IL34: variants seen among roughly 807,000 people sequenced by gnomAD.
IL34 encodes interleukin-34.
In IL34, 17 loss-of-function variants were observed where a neutral mutation model predicts 25.3. The ratio of observed to expected loss-of-function variants is 0.67; its 90% CI spans 0.46 to 1.01. The LOEUF (loss-of-function observed/expected upper bound fraction) is 1.01. Ranked by LOEUF, IL34 falls within the 50% of genes least tolerant of loss-of-function variation. The probability of loss-of-function intolerance (pLI) is 0.00; values close to 1 mark genes in which losing one functional copy is unlikely to be tolerated. For synonymous variants in IL34, 174 were observed against 140.9 expected (o/e 1.23, Z -1.66); for missense variants, 368 against 312.9 (o/e 1.18, Z -1.33).
Position 70,651,384 on chromosome 16 carries a change from GTTC to G in IL34, c.29-3149_29-3147del, listed in dbSNP as rs568255060. Among the ~76,000 whole-genome samples the G allele has an allele frequency of 1.3e-4, 20 of 152,328 alleles. No individual in the cohort carries two copies. The South Asian group carries it at 3.3e-3, about 25-fold the overall frequency. On this transcript the variant is annotated intron_variant, in intron 1 of 5. Transcript: ENST00000288098. ...ACACTGGTTCAGTTCATGTTTATCT[GTTC>G]TTCTCACCCAATACTGTATCAGGCA...
At chr16:70,634,433 A>G (rs937842032) in intron 1 of IL34, among the ~76,000 whole-genome samples, 4 of 152,084 alleles carry the variant, frequency 2.6e-5, no homozygotes, top group Non-Finnish European at 5.9e-5. Context: ...TAATCCCAGC[A>G]CTTTGCGAGG....
intron 1 of IL34, among the ~76,000 whole-genome samples, chr16:70,650,510 C>T (rs1316404467): frequency 6.6e-6 from 1 of 152,144 alleles, no homozygotes; most frequent in Non-Finnish European, 1.5e-5. Flanking sequence ...CAGAGAAGGG[C>T]AGGTGCTGTA....
At chr16:70,617,463 G>C (rs1240067219) in intron 1 of IL34, among the ~76,000 whole-genome samples, 1 of 152,182 alleles carries the variant, frequency 6.6e-6, no homozygotes, top group Non-Finnish European at 1.5e-5. Flanking sequence ...TGACTAGACA[G>C]AAGATAGTAG....
intron 1 of IL34, among the ~76,000 whole-genome samples, chr16:70,633,696 A>C (rs1454650043): frequency 6.6e-6 from 1 of 152,188 alleles, no homozygotes; most frequent in Non-Finnish European, 1.5e-5. Context: ...TAGAAATCCA[A>C]GATCAAGGTG....
Position 70,654,609 on chromosome 16 carries a change from G to C in IL34, c.100G>C (p.Glu34Gln). Residue 34 changes from glutamate to glutamine, a missense_variant, in exon 2 of 6, where the codon GAG (glutamate) becomes CAG (glutamine). By Grantham distance (29) the Glu-to-Gln change is conservative. Transcript: ENST00000288098. ...LEMWPLTQNE[E>Q]CTVTGFLRDK... ...GATGTGGCCCTTGACGCAGAATGAG[G>C]AGTGCACTGTCACGGGTTTTCTGCG... The C allele has an allele frequency of 6.2e-7, 1 of 1,613,746 alleles. No homozygotes were observed. Among genetic ancestry groups the C allele is most frequent in the South Asian group, 1.1e-5 (1 of 91,020 alleles).
chr16:70,584,345 C>T (rs534240516), intron 1 of IL34, among the ~76,000 whole-genome samples: 17 of 152,314 alleles, frequency 1.1e-4, no homozygotes, highest in South Asian at 6.2e-4. Flanking sequence ...CATCCCAGCA[C>T]GCCTGGAAAA....
intron 1 of IL34, among the ~76,000 whole-genome samples, chr16:70,592,565 T>A (rs2050768553): frequency 6.6e-6 from 1 of 152,200 alleles, no homozygotes; most frequent in Non-Finnish European, 1.5e-5. Flanking sequence ...AGTTGCTGAA[T>A]AATTATTTTA....
At chr16:70,644,048 C>T (rs2051848641), upstream of IL34, among the ~76,000 whole-genome samples, 1 of 152,148 alleles carries the variant, frequency 6.6e-6, no homozygotes, top group African/African-American at 2.4e-5. Flanking sequence ...AATCTTGGCT[C>T]ACTGCAACCT....
intron 1 of IL34, among the ~76,000 whole-genome samples, chr16:70,591,440 G>A (rs1051833761): frequency 9.9e-5 from 15 of 152,062 alleles, no homozygotes; most frequent in African/African-American, 3.4e-4. Context: ...GTGGTGGCAC[G>A]TACCTGTAGT....
Position 70,660,252 on chromosome 16 carries a change from C to G in IL34, c.*65C>G. 1 of 1,427,726 alleles carries G rather than the reference C, an allele frequency of 7.0e-7. No individual in the cohort carries two copies. Among genetic ancestry groups the G allele is most frequent in the Non-Finnish European group, 9.4e-7 (1 of 1,068,826 alleles). 88.4% of individuals were successfully genotyped at this position (1,427,726 alleles called of 1,614,324 possible). On this transcript the variant is annotated 3_prime_UTR_variant, in exon 6 of 6. Transcript: ENST00000288098. ...AGCTCCCACAGGAGTTCAACTGGGT[C>G]TGAGACTTCAAGGGGTGGTGGTGGG...
intron 1 of IL34, among the ~76,000 whole-genome samples, chr16:70,630,857 G>A (rs2051502998): frequency 6.6e-6 from 1 of 152,142 alleles, no homozygotes. Flanking sequence ...ATAGGAGTGA[G>A]CCACCAAGCT....
chr16:70,623,654 C>G (rs1387475195), intron 1 of IL34, among the ~76,000 whole-genome samples: 1 of 151,622 alleles, frequency 6.6e-6, no homozygotes, highest in East Asian at 1.9e-4. Context: ...TGGGGGAATA[C>G]AAGAGGAGGA....
At chr16:70,630,681 C>G (rs1030148405) in intron 1 of IL34, among the ~76,000 whole-genome samples, 1 of 151,814 alleles carries the variant, frequency 6.6e-6, no homozygotes, top group African/African-American at 2.4e-5. Flanking sequence ...TCAATTGATC[C>G]TCCTACCTCA....
chr16:70,652,991 G>C (rs1203181248), intron 1 of IL34, among the ~76,000 whole-genome samples: 2 of 151,958 alleles, frequency 1.3e-5, no homozygotes, highest in Non-Finnish European at 2.9e-5. Flanking sequence ...ATCAACTTGA[G>C]GTCAGGAGTT....
intron 1 of IL34, among the ~76,000 whole-genome samples, chr16:70,598,198 C>G (rs192143064): frequency 5.2e-4 from 79 of 152,202 alleles, no homozygotes; most frequent in Non-Finnish European, 8.2e-4. Flanking sequence ...TGGCATGGCT[C>G]AAACCGTCTG....
At chr16:70,628,469 T>TATTTA (rs1567452401) in intron 1 of IL34, among the ~76,000 whole-genome samples, 2,137 of 149,990 alleles carry the variant, frequency 0.014, 61 homozygotes, top group African/African-American at 0.05. Flanking sequence ...GTGGGTTTGT[T>TATTTA]TTTATTTATT....
upstream of IL34, among the ~76,000 whole-genome samples, chr16:70,644,807 GAAAAGGAGGAAGGGAGGAGGA>G (rs2051872238): frequency 6.9e-6 from 1 of 144,516 alleles, no homozygotes; most frequent in African/African-American, 2.6e-5. Flanking sequence ...GAGGAGGAAT[GAAAAGGAGGAAGGGAGGAGGA>G]AGGAGGAAGA....
chr16:70,588,921 G>A (rs1480523405), intron 1 of IL34, among the ~76,000 whole-genome samples: 1 of 152,156 alleles, frequency 6.6e-6, no homozygotes, highest in African/African-American at 2.4e-5. Flanking sequence ...AGGAGGAATG[G>A]ATATAAAGTT....
chr16:70,580,727 G>T (rs2050627265), intron 1 of IL34, among the ~76,000 whole-genome samples: 1 of 146,702 alleles, frequency 6.8e-6, no homozygotes, highest in Non-Finnish European at 1.5e-5. Context: ...GTTGCAGTGA[G>T]CCGAGATCAC....
Sources: gnomAD v4.1 joint callset for allele counts (sites outside exome capture counted in the v4.1 genomes callset) on GRCh38, gnomAD v4.1.1 for gene constraint, MANE v1.5 for transcripts, NCBI Gene and HGNC (gene_info 2026-07-23, HGNC 2026-07-21) for gene names.